PDE2A: variants seen among roughly 807,000 people sequenced by gnomAD.
PDE2A encodes the protein cGMP-dependent 3',5'-cyclic phosphodiesterase.
In PDE2A, 53 loss-of-function variants were observed where a neutral mutation model predicts 133.6. That is an observed-to-expected ratio of 0.40 (90% CI 0.32 to 0.50). The LOEUF (loss-of-function observed/expected upper bound fraction) is 0.50. PDE2A is among the 20% of genes least tolerant of loss of function. The pLI, the probability that PDE2A is intolerant of heterozygous loss-of-function variation, is 0.73. For synonymous variants in PDE2A, 491 were observed against 490.2 expected (o/e 1.00, Z -0.02); for missense variants, 796 against 1,232.4 (o/e 0.65, Z 5.30).
At chr11:72,629,555 C>T (rs1035062927) in intron 2 of PDE2A, among the ~76,000 whole-genome samples, 1 of 152,206 alleles carries the variant, frequency 6.6e-6, no homozygotes, top group Admixed American at 6.5e-5. Flanking sequence ...GCTTTCCAGG[C>T]CCTCCCCTCC....
chr11:72,625,045 T>C (rs1857989905), intron 2 of PDE2A, among the ~76,000 whole-genome samples: 1 of 152,190 alleles, frequency 6.6e-6, no homozygotes. Context: ...GGCTGTTTCC[T>C]GTTGTTGTGC....
intron 1 of PDE2A, among the ~76,000 whole-genome samples, chr11:72,671,916 A>G (rs1320561002): frequency 6.6e-6 from 1 of 152,014 alleles, no homozygotes; most frequent in Non-Finnish European, 1.5e-5. Context: ...TGAGCCTTCC[A>G]TGAGCCTTTT....
chr11:72,658,291 G>C (rs1177335034), intron 1 of PDE2A: 57 of 368,876 alleles, frequency 1.5e-4, no homozygotes, highest in Non-Finnish European at 4.3e-5. Flanking sequence ...GAGGAAACAA[G>C]GGCAGATCTT....
intron 6 of PDE2A, among the ~76,000 whole-genome samples, chr11:72,596,140 C>T (rs1856466878): frequency 6.6e-6 from 1 of 152,192 alleles, no homozygotes; most frequent in Non-Finnish European, 1.5e-5. Flanking sequence ...GCCCTTATGT[C>T]CATCTGTCCC....
At chr11:72,589,816 T>G (rs766846700) in intron 10 of PDE2A, 24 bp from the exon 11 acceptor site, 10 of 1,613,038 alleles carry the variant, frequency 6.2e-6, no homozygotes, top group Middle Eastern at 1.6e-4. Flanking sequence ...TGCAGGGGGC[T>G]GGTTAAAGGA....
At chr11:72,634,731 A>C (rs1265239901) in intron 2 of PDE2A, among the ~76,000 whole-genome samples, 1 of 152,196 alleles carries the variant, frequency 6.6e-6, no homozygotes. Flanking sequence ...CCTTGCACAC[A>C]GGGGAGGACC....
chr11:72,579,629 G>A (rs1855627284), intron 25 of PDE2A, 21 bp from the exon 26 acceptor site: 7 of 1,585,560 alleles, frequency 4.4e-6, no homozygotes, highest in Non-Finnish European at 6.1e-6. Context: ...AGGAGTGATG[G>A]GGGCCCAGCT....
chr11:72,624,177 A>T (rs1857929618), intron 2 of PDE2A, among the ~76,000 whole-genome samples: 1 of 151,990 alleles, frequency 6.6e-6, no homozygotes, highest in Admixed American at 6.6e-5. Flanking sequence ...TTTTTAGTAG[A>T]GATGGGGTTT....
At chr11:72,592,511 G>A (rs917408930) in intron 6 of PDE2A, among the ~76,000 whole-genome samples, 3 of 152,214 alleles carry the variant, frequency 2.0e-5, no homozygotes, top group Admixed American at 6.5e-5. Flanking sequence ...AGAAAACTAG[G>A]TGGGTAGCTC....
At chr11:72,658,460 C>T (rs1284746462) in intron 1 of PDE2A, among the ~76,000 whole-genome samples, 2 of 151,992 alleles carry the variant, frequency 1.3e-5, no homozygotes. Context: ...CCTGCAACCT[C>T]CCCACCTGCC....
chr11:72,593,082 T>C (rs1183371417), intron 6 of PDE2A, among the ~76,000 whole-genome samples: 4 of 151,898 alleles, frequency 2.6e-5, no homozygotes, highest in Non-Finnish European at 5.9e-5. Flanking sequence ...TTGGCCTACT[T>C]GCACCCAGCA....
chr11:72,589,449 A>G (rs1202213187), intron 11 of PDE2A, among the ~76,000 whole-genome samples: 1 of 152,180 alleles, frequency 6.6e-6, no homozygotes, highest in African/African-American at 2.4e-5. Context: ...TACGAGAGAG[A>G]TAAGCAGACT....
intron 19 of PDE2A, 21 bp downstream of exon 19, chr11:72,584,180 C>CCCA: frequency 2.4e-6 from 3 of 1,275,648 alleles, no homozygotes; most frequent in Non-Finnish European, 3.4e-6. Flanking sequence ...CCCCACACCC[C>CCCA]ACTCCCAACC....
intron 1 of PDE2A, among the ~76,000 whole-genome samples, chr11:72,653,131 TG>T (rs1451196016): frequency 6.6e-6 from 1 of 152,162 alleles, no homozygotes; most frequent in Non-Finnish European, 1.5e-5. Context: ...GGCCATTGTT[TG>T]GGGCTTCCGA....
Position 72,597,371 on chromosome 11 carries a change from A to G in PDE2A, c.433+139T>C, listed in dbSNP as rs1856534537. Reference sequence around the variant, plus strand: ...GTACAATAGAGAGAGAATTAGATGGAGGGACTGCTAGAGACACAGAGCAAG... The same window carrying G: ...GTACAATAGAGAGAGAATTAGATGGGGGGACTGCTAGAGACACAGAGCAAG... On this transcript the variant is annotated intron_variant, in intron 5 of 30. Transcript: ENST00000334456. The surrounding 1 kb of genome is among the most constrained non-coding windows in gnomAD (Gnocchi z 4.6). 3.4e-6 allele frequency: 2 copies of G among 595,818 alleles called. No individual in the cohort carries two copies. The highest frequency in any genetic ancestry group is 3.0e-6 in the Non-Finnish European group (1 of 333,888). The allele number at this position is 595,818 out of a possible 1,614,324, so 36.9% of individuals were successfully genotyped here.
intron 2 of PDE2A, among the ~76,000 whole-genome samples, chr11:72,629,764 A>G (rs1477589681): frequency 6.6e-6 from 1 of 152,080 alleles, no homozygotes; most frequent in Non-Finnish European, 1.5e-5. Flanking sequence ...CTAGGCTCCA[A>G]TCTTAGCTCT....
chr11:72,579,632 G>T, intron 25 of PDE2A, 24 bp from the exon 26 acceptor site: 1 of 1,564,082 alleles, frequency 6.4e-7, no homozygotes, highest in Non-Finnish European at 8.8e-7. Flanking sequence ...AGTGATGGGG[G>T]CCCAGCTGGG....
In PDE2A at chr11:72,578,359, A is replaced by G. The variant is rs1234913652; in HGVS notation, c.2509-20T>C. The G allele has an allele frequency of 6.3e-7, 1 of 1,596,862 alleles. No individual in the cohort carries two copies. The highest frequency in any genetic ancestry group is 8.6e-7 in the Non-Finnish European group (1 of 1,164,324). ...CTTCTCCTGCAGGCATCGAGTCGTC[A>G]GGCCTGTCCCTCTCATTCCTCCATC... On this transcript the variant is annotated intron_variant, in intron 29 of 30. Transcript: ENST00000334456. The surrounding 1 kb of genome is among the most constrained non-coding windows in gnomAD (Gnocchi z 4.2).
chr11:72,660,410 TAA>T (rs1239767958), intron 1 of PDE2A, among the ~76,000 whole-genome samples: 1 of 152,194 alleles, frequency 6.6e-6, no homozygotes, highest in African/African-American at 2.4e-5. Context: ...TTTGTTTCAC[TAA>T]GTGCCAGTTA....
Sources: gnomAD v4.1 joint callset for allele counts (sites outside exome capture counted in the v4.1 genomes callset) on GRCh38, gnomAD v4.1.1 for gene constraint, Gnocchi (gnomAD v3.1) non-coding constraint, MANE v1.5 for transcripts, NCBI Gene and HGNC (gene_info 2026-07-23, HGNC 2026-07-21) for gene names.